The following PPP2R2C variants were observed in gnomAD, a reference collection of about 807,000 sequenced individuals.
PPP2R2C encodes the protein protein phosphatase 2 regulatory subunit Bgamma.
A neutral mutation model predicts 45.3 loss-of-function variants in PPP2R2C; 10 were observed. The observed-to-expected ratio is 0.22, with a 90% CI of 0.14 to 0.37. The LOEUF is 0.37. PPP2R2C is among the 10% of genes least tolerant of loss of function. PPP2R2C has a pLI of 1.00. For synonymous variants in PPP2R2C, 257 were observed against 245.4 expected, an observed-to-expected ratio of 1.05 and a Z score of -0.44; for missense variants, 308 against 619.7, an observed-to-expected ratio of 0.50 and a Z score of 5.34.
At chr4:6,334,793 T>C (rs1341652625) in intron 6 of PPP2R2C, among the ~76,000 whole-genome samples, 3 of 152,322 alleles carry the variant, frequency 2.0e-5, no homozygotes, top group Middle Eastern at 3.4e-3. Flanking sequence ...CCTTGCCTGC[T>C]GGCCTGCTCT....
chr4:6,339,923 C>T (rs890196086), intron 6 of PPP2R2C, among the ~76,000 whole-genome samples: 13 of 152,170 alleles, frequency 8.5e-5, no homozygotes, highest in African/African-American at 2.4e-4. Context: ...AGAAGAAGGA[C>T]GATGGGGGTT....
At chr4:6,543,375 G>A (rs1202643281) in intron 1 of PPP2R2C, among the ~76,000 whole-genome samples, 1 of 152,090 alleles carries the variant, frequency 6.6e-6, no homozygotes, top group Non-Finnish European at 1.5e-5. Context: ...GGGCCAACCA[G>A]GGCAGCCAAT....
chr4:6,403,285 G>A lies in PPP2R2C; in HGVS notation c.71-22191C>T, dbSNP rs140861500. Among the ~76,000 whole-genome samples the A allele has an allele frequency of 6.4e-4, 97 of 152,362 alleles. 1 individual carries two copies. Among genetic ancestry groups the A allele is most frequent in the Admixed American group, 1.4e-3 (21 of 15,308 alleles). On this transcript the variant is annotated intron_variant, in intron 1 of 8. Coordinates refer to ENST00000382599, the MANE Select transcript of PPP2R2C (RefSeq NM_020416.4). ...TCATCTCAGAGGTCGGAGCCTCAGA[G>A]ACAGAAATGCTGGGAGCGGAGCGGA...
At chr4:6,392,212 G>A (rs897138494) in intron 1 of PPP2R2C, among the ~76,000 whole-genome samples, 1 of 152,138 alleles carries the variant, frequency 6.6e-6, no homozygotes, top group Non-Finnish European at 1.5e-5. Flanking sequence ...TCTATGTCAT[G>A]TATATTCTAC....
chr4:6,489,307 G>C (rs1334957501), intron 2 of PPP2R2C, among the ~76,000 whole-genome samples: 4 of 152,112 alleles, frequency 2.6e-5, no homozygotes, highest in Non-Finnish European at 4.4e-5. Flanking sequence ...TTTAAGGTGA[G>C]AAGCTAAGTC....
chr4:6,448,801 C>A (rs887125982), intron 1 of PPP2R2C, among the ~76,000 whole-genome samples: 1 of 152,206 alleles, frequency 6.6e-6, no homozygotes. Flanking sequence ...AACCACAAGC[C>A]AATGGCCACC....
intron 2 of PPP2R2C, among the ~76,000 whole-genome samples, chr4:6,535,082 G>A (rs1226714468): frequency 6.6e-6 from 1 of 152,222 alleles, no homozygotes; most frequent in Admixed American, 6.5e-5. Flanking sequence ...GGTGGGGTGG[G>A]GCCAGGGCCC....
chr4:6,561,085 G>C (rs1725558118), intron 1 of PPP2R2C, among the ~76,000 whole-genome samples: 1 of 152,238 alleles, frequency 6.6e-6, no homozygotes, highest in African/African-American at 2.4e-5. Context: ...TGTGTGTTCG[G>C]TGGGCAGTTC....
chr4:6,444,525 A>G (rs1035637146), intron 1 of PPP2R2C, among the ~76,000 whole-genome samples: 9 of 152,188 alleles, frequency 5.9e-5, no homozygotes, highest in Non-Finnish European at 1.2e-4. Context: ...GTCCTCGCAC[A>G]GCCCAGGTGT....
At chr4:6,356,813 C>A (rs561691571) in intron 5 of PPP2R2C, among the ~76,000 whole-genome samples, 1 of 151,280 alleles carries the variant, frequency 6.6e-6, no homozygotes, top group South Asian at 2.1e-4. Context: ...CTGGACTCTG[C>A]GTCATCTGAG....
At chr4:6,448,362 G>A (rs546076356) in intron 1 of PPP2R2C, among the ~76,000 whole-genome samples, 6 of 152,198 alleles carry the variant, frequency 3.9e-5, no homozygotes, top group South Asian at 2.1e-4. Flanking sequence ...CACGGAGAGG[G>A]GTATTGGAGC....
rs182422341 is a variant in PPP2R2C, at chr4:6,329,852, A to G, written c.961-499T>C. Among the ~76,000 whole-genome samples, 188 of 152,034 alleles carry G rather than the reference A, an allele frequency of 1.2e-3. 1 individual carries two copies. Among genetic ancestry groups the G allele is most frequent in the African/African-American group, 4.3e-3 (179 of 41,472 alleles). On this transcript the variant is annotated intron_variant, in intron 7 of 8. Coordinates refer to ENST00000382599, the MANE Select transcript of PPP2R2C (RefSeq NM_020416.4). This position sits in a 1 kb window ranked among gnomAD's most constrained non-coding sequence, Gnocchi z 5.8. ...CCAGCTGTGTGATCTTGGACAAGTG[A>G]TTTCATCTCTCTGAGCCTCAGTTTC...
intron 1 of PPP2R2C, among the ~76,000 whole-genome samples, chr4:6,547,768 C>T (rs73209736): frequency 0.044 from 6,773 of 152,222 alleles, 195 homozygotes; most frequent in Middle Eastern, 0.095. Context: ...TATGCAAAAA[C>T]GCAACGGGAC....
At chr4:6,397,019 C>T (rs141678510) in intron 1 of PPP2R2C, among the ~76,000 whole-genome samples, 2 of 152,322 alleles carry the variant, frequency 1.3e-5, no homozygotes, top group East Asian at 1.9e-4. Flanking sequence ...TATTGACTCC[C>T]GCGCACTGAT....
At chr4:6,549,499 C>T (rs1725109116) in intron 1 of PPP2R2C, among the ~76,000 whole-genome samples, 2 of 152,234 alleles carry the variant, frequency 1.3e-5, no homozygotes, top group Non-Finnish European at 2.9e-5. Context: ...AGGTGAGGCC[C>T]TCAGGAGTGA....
intron 1 of PPP2R2C, among the ~76,000 whole-genome samples, chr4:6,453,786 C>T (rs1720871262): frequency 6.6e-6 from 1 of 152,222 alleles, no homozygotes; most frequent in African/African-American, 2.4e-5. Flanking sequence ...CTCCCTACTG[C>T]AGTGGCCCTG....
intron 1 of PPP2R2C, among the ~76,000 whole-genome samples, chr4:6,446,108 T>C (rs1720402874): frequency 6.6e-6 from 1 of 152,126 alleles, no homozygotes; most frequent in Admixed American, 6.5e-5. Context: ...AAAAAGCCAG[T>C]AACAGTGGCA....
intron 5 of PPP2R2C, among the ~76,000 whole-genome samples, chr4:6,352,270 TG>T (rs1035176139): frequency 2.6e-5 from 4 of 152,192 alleles, no homozygotes; most frequent in African/African-American, 9.7e-5. Flanking sequence ...TGGCTGTTAC[TG>T]GAACATCATT....
chr4:6,517,513 G>T (rs143406643), intron 2 of PPP2R2C, among the ~76,000 whole-genome samples: 67 of 152,274 alleles, frequency 4.4e-4, no homozygotes, highest in African/African-American at 1.5e-3. Context: ...TACACGTCAG[G>T]TGCTGCTGTT....
Sources: allele counts gnomAD v4.1 joint callset (sites outside exome capture counted in the v4.1 genomes callset), GRCh38; gene constraint gnomAD v4.1.1; non-coding constraint Gnocchi (gnomAD v3.1); transcripts MANE v1.5; gene names NCBI Gene and HGNC (gene_info 2026-07-23, HGNC 2026-07-21).